Variants in DMD observed in about 807,000 individuals in gnomAD.
DMD encodes dystrophin.
Under a neutral mutation model 330.1 loss-of-function variants are expected in DMD, and 63 were observed. The observed-to-expected ratio is 0.19, with a 90% CI of 0.16 to 0.24. The LOEUF is 0.24. DMD is among the 10% of genes least tolerant of loss of function. The pLI is 1.00. For synonymous variants in DMD, 1,223 were observed against 959.8 expected (o/e 1.27, Z -5.07); for missense variants, 3,344 against 2,684.1 (o/e 1.25, Z -5.43).
intron 7 of DMD, among the ~76,000 whole-genome samples, chrX:32,706,626 G>A (rs925692373): frequency 9.0e-6 from 1 of 111,476 alleles, no homozygotes; most frequent in Non-Finnish European, 1.9e-5. Flanking sequence ...CATAATGCTT[G>A]CCTAGAGCAT....
chrX:32,284,856 C>T (rs906369784), intron 43 of DMD, among the ~76,000 whole-genome samples: 1 of 112,030 alleles, frequency 8.9e-6, no homozygotes, highest in Admixed American at 9.5e-5. Flanking sequence ...AATGGAAGTA[C>T]AATTTCAACC....
intron 2 of DMD, among the ~76,000 whole-genome samples, chrX:32,964,051 G>A (rs766870294): frequency 8.1e-4 from 88 of 109,166 alleles, no homozygotes; most frequent in Non-Finnish European, 1.6e-3. Context: ...TCAAGAGATC[G>A]AGACCGTCCT....
intron 55 of DMD, among the ~76,000 whole-genome samples, chrX:31,542,443 A>G (rs765749467): frequency 1.8e-5 from 2 of 112,163 alleles, no homozygotes; most frequent in African/African-American, 3.2e-5. Context: ...GATCATATGT[A>G]AATTACTTAT....
chrX:31,767,169 T>A (rs1446812003), intron 51 of DMD, among the ~76,000 whole-genome samples: 2 of 111,961 alleles, frequency 1.8e-5, no homozygotes, highest in African/African-American at 6.5e-5. Context: ...CCAAACAGAT[T>A]ACAACATTAA....
At chrX:32,360,850 T>C (rs2097830501) in intron 37 of DMD, among the ~76,000 whole-genome samples, 1 of 108,575 alleles carries the variant, frequency 9.2e-6, no homozygotes, top group Non-Finnish European at 1.9e-5. Flanking sequence ...ACTGGAAATT[T>C]CTTATGCCTT....
intron 29 of DMD, among the ~76,000 whole-genome samples, chrX:32,414,818 A>G (rs1456169469): frequency 8.9e-6 from 1 of 112,244 alleles, no homozygotes; most frequent in Non-Finnish European, 1.9e-5. Context: ...ATCTCTTTCT[A>G]TTAAAATTCT....
intron 2 of DMD, among the ~76,000 whole-genome samples, chrX:32,925,145 G>GTTTTTTTTTTTTTTTTT (rs777224221): frequency 4.1e-5 from 2 of 48,531 alleles, no homozygotes; most frequent in African/African-American, 1.6e-4. Flanking sequence ...AAAACTCTGG[G>GTTTTTTTTTTTTTTTTT]TTTTTTTTTT....
chrX:32,423,776 T>C (rs757274148), intron 29 of DMD, among the ~76,000 whole-genome samples: 114 of 110,828 alleles, frequency 1.0e-3, no homozygotes, highest in African/African-American at 3.7e-3. Flanking sequence ...GAAGGCTATG[T>C]ACTCTTTCAG....
At chrX:31,794,199 A>C (rs2091712209) in intron 50 of DMD, among the ~76,000 whole-genome samples, 1 of 111,536 alleles carries the variant, frequency 9.0e-6, no homozygotes, top group African/African-American at 3.3e-5. Context: ...AGCCCACTCT[A>C]CTTGGACTTA....
chrX:32,429,387 GTTTTTTTTT>G (rs10692022), intron 29 of DMD, among the ~76,000 whole-genome samples: 7 of 44,199 alleles, frequency 1.6e-4, no homozygotes, highest in Admixed American at 4.2e-4. Flanking sequence ...TTTTTTTTGG[GTTTTTTTTT>G]TTTTTTTTTT....
At chrX:32,613,039 T>C (rs2057294729) in intron 12 of DMD, among the ~76,000 whole-genome samples, 1 of 111,544 alleles carries the variant, frequency 9.0e-6, no homozygotes, top group Non-Finnish European at 1.9e-5. Context: ...ATTTCGAAGG[T>C]ATGAGGTAAA....
intron 26 of DMD, among the ~76,000 whole-genome samples, chrX:32,452,603 T>C (rs1205336731): frequency 9.1e-6 from 1 of 110,464 alleles, no homozygotes; most frequent in African/African-American, 3.3e-5. Flanking sequence ...GGCTAAATCA[T>C]TTGACCTATC....
chrX:32,458,245 A>G (rs1430871473), intron 25 of DMD, among the ~76,000 whole-genome samples: 1 of 111,034 alleles, frequency 9.0e-6, no homozygotes, highest in Non-Finnish European at 1.9e-5. Context: ...CAAAAAAAAT[A>G]TTCTCCAGTA....
intron 63 of DMD, among the ~76,000 whole-genome samples, chrX:31,248,016 C>A (rs2147425024): frequency 8.9e-6 from 1 of 111,976 alleles, no homozygotes; most frequent in South Asian, 3.8e-4. Context: ...CCACCCCAAC[C>A]TTCAGCAACC....
rs746715968 is a variant in DMD at position 32,375,150 on chromosome X, G to A, written c.4845+5360C>T. On this transcript the variant is annotated intron_variant, in intron 34 of 78. Coordinates refer to ENST00000357033, the MANE Select transcript of DMD (RefSeq NM_004006.3). Reference sequence around the variant, plus strand: ...TGAAAATTCTCAGTTCTCGGTTTGCGCTATTCATTCCCTTGACTCTGCTTT... The same window carrying A: ...TGAAAATTCTCAGTTCTCGGTTTGCACTATTCATTCCCTTGACTCTGCTTT... Among the ~76,000 whole-genome samples the A allele has an allele frequency of 5.4e-5, 6 of 110,637 alleles. No individual in the cohort carries two copies. The South Asian group carries it at 2.4e-3, about 44-fold the overall frequency.
chrX:33,304,506 G>T (rs1349137726), intron 1 of DMD, among the ~76,000 whole-genome samples: 3 of 110,584 alleles, frequency 2.7e-5, no homozygotes, highest in African/African-American at 9.9e-5. Flanking sequence ...ATAGGCATAG[G>T]CAAGGACTTC....
intron 55 of DMD, 31 bp downstream of exon 55, chrX:31,627,642 A>G: frequency 8.4e-7 from 1 of 1,196,169 alleles, no homozygotes; most frequent in African/African-American, 1.7e-5. Flanking sequence ...TTGGATCCAC[A>G]AGAGTGCTAA....
intron 6 of DMD, among the ~76,000 whole-genome samples, chrX:32,810,363 T>C (rs765797814): frequency 9.0e-6 from 1 of 111,321 alleles, no homozygotes; most frequent in African/African-American, 3.3e-5. Flanking sequence ...CTTCAAATTA[T>C]AGATTCTTCT....
At chrX:32,607,488 C>A (rs1444907270) in intron 12 of DMD, among the ~76,000 whole-genome samples, 1 of 109,921 alleles carries the variant, frequency 9.1e-6, no homozygotes, top group Non-Finnish European at 1.9e-5. Context: ...AGTATCATTA[C>A]TTCCAATGAA....
Sources: gnomAD v4.1 joint callset for allele counts (sites outside exome capture counted in the v4.1 genomes callset) on GRCh38, gnomAD v4.1.1 for gene constraint, MANE v1.5 for transcripts, NCBI Gene and HGNC (gene_info 2026-07-23, HGNC 2026-07-21) for gene names.